The following GPHN variants were observed in gnomAD, a reference collection of about 807,000 sequenced individuals.
GPHN encodes the protein gephyrin.
In GPHN, 17 loss-of-function variants were observed where a neutral mutation model predicts 95.5. The observed-to-expected ratio is 0.18, with a 90% CI of 0.12 to 0.27. The LOEUF is 0.27. GPHN is among the 10% of genes least tolerant of loss of function. The pLI is 1.00. For synonymous variants in GPHN, 320 were observed against 322.5 expected, an observed-to-expected ratio of 0.99 and a Z score of 0.08; for missense variants, 660 against 978.1, an observed-to-expected ratio of 0.67 and a Z score of 4.34.
chr14:66,941,437 G>A (rs1330010738), intron 8 of GPHN, among the ~76,000 whole-genome samples: 1 of 152,122 alleles, frequency 6.6e-6, no homozygotes, highest in Non-Finnish European at 1.5e-5. Flanking sequence ...GTGAAGCCCA[G>A]CCATGGGTTT....
At chr14:66,824,998 T>C (rs2061341167) in intron 4 of GPHN, among the ~76,000 whole-genome samples, 1 of 152,182 alleles carries the variant, frequency 6.6e-6, no homozygotes, top group Admixed American at 6.5e-5. Context: ...ACAGTACTTT[T>C]GTTGAAAAGG....
At chr14:67,190,718 T>C in the GPHN span, among the ~76,000 whole-genome samples, 6 of 152,166 alleles carry the variant, frequency 3.9e-5, no homozygotes, top group Admixed American at 3.3e-4. Flanking sequence ...TTTCAAGAGA[T>C]AGAAGCCACA....
chr14:67,691,418 A>T, the GPHN span: 1 of 551,938 alleles, frequency 1.8e-6, no homozygotes. Context: ...GTTGAATCCC[A>T]CCTACTTTTA....
the GPHN span, chr14:67,646,423 A>T: frequency 1.9e-6 from 1 of 516,380 alleles, no homozygotes; most frequent in Non-Finnish European, 3.4e-6. Flanking sequence ...TAGAGATTTT[A>T]TTCGTCTTGA....
At chr14:67,103,734 A>G (rs1325265168) in intron 13 of GPHN, among the ~76,000 whole-genome samples, 1 of 151,558 alleles carries the variant, frequency 6.6e-6, no homozygotes, top group Non-Finnish European at 1.5e-5. Context: ...TGTATCCTGC[A>G]GCTGTACTAT....
At chr14:67,365,250 T>C in the GPHN span, among the ~76,000 whole-genome samples, 5 of 152,200 alleles carry the variant, frequency 3.3e-5, no homozygotes, top group Non-Finnish European at 7.3e-5. Context: ...TTATTTCTAG[T>C]GTTTATCAGG....
the GPHN span, chr14:67,691,387 G>T: frequency 4.9e-6 from 3 of 611,652 alleles, no homozygotes; most frequent in East Asian, 2.7e-5. Context: ...ATTTTCTATT[G>T]TTTTTCATTT....
intron 8 of GPHN, among the ~76,000 whole-genome samples, chr14:66,956,069 G>A (rs1241326352): frequency 6.6e-6 from 1 of 151,972 alleles, no homozygotes; most frequent in Admixed American, 6.6e-5. Context: ...CAATGTTTTT[G>A]TGTTCTCTAT....
chr14:67,093,444 C>T (rs980583301), intron 12 of GPHN, among the ~76,000 whole-genome samples: 1 of 151,956 alleles, frequency 6.6e-6, no homozygotes, highest in Non-Finnish European at 1.5e-5. Flanking sequence ...CCATTTGAAT[C>T]CTCTTTCGCT....
chr14:67,375,420 C>G, the GPHN span, among the ~76,000 whole-genome samples: 3 of 152,086 alleles, frequency 2.0e-5, no homozygotes, highest in African/African-American at 7.2e-5. Context: ...GTGTGCCCAG[C>G]CTATCCTCAG....
intron 9 of GPHN, among the ~76,000 whole-genome samples, chr14:66,984,837 C>T (rs991312931): frequency 2.6e-5 from 4 of 151,754 alleles, no homozygotes; most frequent in African/African-American, 9.7e-5. Flanking sequence ...CCCCTTTGCT[C>T]TTCACCCTGC....
At chr14:67,200,397 C>T in the GPHN span, 1 of 581,518 alleles carries the variant, frequency 1.7e-6, no homozygotes, top group East Asian at 3.5e-5. Flanking sequence ...ATCAGAGATG[C>T]TGTAGCTCCT....
intron 3 of GPHN, among the ~76,000 whole-genome samples, chr14:66,798,802 C>A (rs1173999922): frequency 6.7e-6 from 1 of 148,482 alleles, no homozygotes; most frequent in East Asian, 1.9e-4. Flanking sequence ...TTTTTTTCTT[C>A]ATTCCAATTT....
chr14:67,015,075 A>G (rs973241678), intron 9 of GPHN, among the ~76,000 whole-genome samples: 2 of 152,234 alleles, frequency 1.3e-5, no homozygotes, highest in African/African-American at 4.8e-5. Flanking sequence ...TACATATTAT[A>G]GTATTTTCTT....
the GPHN span, among the ~76,000 whole-genome samples, chr14:67,581,430 G>T: frequency 0.016 from 2,417 of 152,170 alleles, 80 homozygotes; most frequent in African/African-American, 0.055. Context: ...GGGGGCTGAG[G>T]TGGGAGGATC....
the GPHN span, among the ~76,000 whole-genome samples, chr14:67,554,387 G>A: frequency 6.6e-6 from 1 of 152,212 alleles, no homozygotes; most frequent in African/African-American, 2.4e-5. Flanking sequence ...CAAATCCTTA[G>A]AGAGGAGGTT....
At chr14:67,109,646 A>C (rs913692588) in intron 13 of GPHN, among the ~76,000 whole-genome samples, 2 of 152,212 alleles carry the variant, frequency 1.3e-5, no homozygotes, top group African/African-American at 4.8e-5. Context: ...CAAAGGCAAT[A>C]ATTAAAATAT....
chr14:66,766,574 T>A (rs1045006520), intron 2 of GPHN, among the ~76,000 whole-genome samples: 1 of 152,048 alleles, frequency 6.6e-6, no homozygotes, highest in Admixed American at 6.6e-5. Flanking sequence ...CAAAGGAACC[T>A]AAGATACGTA....
intron 8 of GPHN, among the ~76,000 whole-genome samples, chr14:66,950,607 A>G (rs2068044946): frequency 6.6e-6 from 1 of 152,104 alleles, no homozygotes; most frequent in African/African-American, 2.4e-5. Context: ...GAGACACTGT[A>G]TTCATTCCTT....
Sources: allele counts gnomAD v4.1 joint callset (sites outside exome capture counted in the v4.1 genomes callset), GRCh38; gene constraint gnomAD v4.1.1; transcripts MANE v1.5; gene names NCBI Gene and HGNC (gene_info 2026-07-23, HGNC 2026-07-21).